Variants in RNF123 observed in about 807,000 individuals in gnomAD.
RNF123 encodes ring finger protein 123.
RNF123 carries 86 observed loss-of-function variants against 168.5 expected under a neutral mutation model. The observed-to-expected ratio is 0.51, with a 90% CI of 0.43 to 0.61. The LOEUF is 0.61. Among genes scored for constraint, RNF123 ranks in the 20% least tolerant of loss-of-function variants. The pLI, the probability that RNF123 is intolerant of heterozygous loss-of-function variation, is 0.00. For synonymous variants in RNF123, 666 were observed against 689.1 expected (o/e 0.97, Z 0.52); for missense variants, 1,419 against 1,729.7 (o/e 0.82, Z 3.19).
rs1390696847 is a variant in RNF123, at chr3:49,691,456, C to T, written c.114C>T (p.Tyr38=). Residue 38 remains tyrosine (Y), a synonymous_variant, in exon 3 of 39, where the codon TAC becomes TAT. Coordinates refer to ENST00000327697, the MANE Select transcript of RNF123 (RefSeq NM_022064.5). ...TGCAGGAGAAGCTGCTGAATGACTA[C>T]CTGAACCGCATCTTTTCCTCTTCTG... The part of the protein sequence containing the change: ...GIVQEKLLND[Y]LNRIFSSSEH... 1 of 1,614,090 alleles carries T rather than the reference C, an allele frequency of 6.2e-7. No individual in the cohort carries two copies. The highest frequency in any genetic ancestry group is 1.7e-5 in the Admixed American group (1 of 60,000).
At chr3:49,712,749 A>G (rs760477893) in intron 27 of RNF123, 93 bp downstream of exon 27, 1 of 1,439,014 alleles carries the variant, frequency 6.9e-7, no homozygotes, top group Non-Finnish European at 9.7e-7. Context: ...TGGCCCAGCA[A>G]CACACTTCTG....
At position 49,715,857 on chromosome 3, in the gene RNF123, T is replaced by G; in HGVS notation, c.3186T>G (p.Phe1062Leu). 1 of 1,614,050 alleles carries G rather than the reference T, an allele frequency of 6.2e-7. No homozygotes were observed. Among genetic ancestry groups the G allele is most frequent in the Non-Finnish European group, 8.5e-7 (1 of 1,180,040 alleles). The part of the protein sequence containing the change: ...QQAAERLERN[F>L]VDSRQLKVCA... ...CTGCTGAGCGCCTGGAGCGGAACTT[T>G]GTGGACAGCCGGCAGCTCAAGGTAT... The change falls in exon 33 of 39, where the codon TTT (phenylalanine) becomes TTG (leucine). Residue 1062 changes from phenylalanine (F) to leucine (L), a missense_variant. By Grantham distance (22) the Phe-to-Leu change is conservative (BLOSUM62 0). Around this residue, in one of 5 missense-constraint regions of RNF123, gnomAD observed 538 missense variants for 708.8 expected, o/e 0.76. Transcript: ENST00000327697.
At chr3:49,703,383 TACTGGGCCGTGACC>T (rs748612692) in intron 20 of RNF123, 30 bp from the exon 21 acceptor site, 10 of 1,527,992 alleles carry the variant, frequency 6.5e-6, no homozygotes, top group Non-Finnish European at 8.1e-6. Flanking sequence ...AGGGTCTTCC[TACTGGGCCGTGACC>T]ACTGGCCTAG....
At chr3:49,703,664 G>A in intron 21 of RNF123, 136 bp downstream of exon 21, 6 of 648,570 alleles carry the variant, frequency 9.3e-6, no homozygotes, top group Non-Finnish European at 1.6e-5. Flanking sequence ...CTCAGGCAGG[G>A]AGACACTGAT....
Position 49,705,596 on chromosome 3 carries a change from C to A in RNF123, c.2221C>A (p.Pro741Thr). 6.2e-7 allele frequency: 1 copy of A among 1,613,350 alleles called. No homozygotes were observed. Among genetic ancestry groups the A allele is most frequent in the Non-Finnish European group, 8.5e-7 (1 of 1,179,696 alleles). The change falls in exon 24 of 39, where the codon CCC becomes ACC. Residue 741 changes from proline to threonine, a missense_variant. This residue lies in a region of RNF123 where 538 missense variants were observed against 708.8 expected (regional missense o/e 0.76). Transcript: ENST00000327697. Reference sequence around the variant, plus strand: ...GCGGCCCCCCGAGGAGCCTGAGCAGCCCCTCACCGAGAACTCGCTGCTGGA... The same window carrying A: ...GCGGCCCCCCGAGGAGCCTGAGCAGACCCTCACCGAGAACTCGCTGCTGGA... ...LGRPPEEPEQ[P>T]LTENSLLEVL...
intron 35 of RNF123, chr3:49,718,018 C>T (rs750807095): frequency 6.2e-7 from 1 of 1,613,678 alleles, no homozygotes; most frequent in East Asian, 2.2e-5. Flanking sequence ...CAGCTGCAGG[C>T]CTCCAGGGTT....
chr3:49,718,622 C>G lies in RNF123; in HGVS notation c.3501-1889C>G, dbSNP rs756959028. 28 of 1,612,904 alleles carry G rather than the reference C, an allele frequency of 1.7e-5. No individual in the cohort carries two copies. Among genetic ancestry groups the G allele is most frequent in the East Asian group, 2.2e-5 (1 of 44,898 alleles). ...GCGTACAGGTGCTCTTCCGGCCGCT[C>G]TAGGCCAAGAGCTGGGGCCGACGAG... On this transcript the variant is annotated intron_variant, in intron 35 of 38. Transcript: ENST00000327697.
In RNF123 at chr3:49,705,028, C is replaced by T; in HGVS notation, c.2004C>T (p.Pro668=). 1 of 1,609,918 alleles carries T rather than the reference C, an allele frequency of 6.2e-7. No homozygotes were observed. Among genetic ancestry groups the T allele is most frequent in the Non-Finnish European group, 8.5e-7 (1 of 1,178,894 alleles). Residue 668 remains proline, a synonymous_variant, in exon 23 of 39, where the codon CCC becomes CCT. Transcript: ENST00000327697. ...ALAVGGPLPL[P]RPGWLSSPTL... ...CTGTTGGGGGGCCACTGCCCCTGCC[C>T]CGGCCCGGCTGGCTCAGTTCTCCAA...
intron 35 of RNF123, chr3:49,719,025 G>A (rs765677387): frequency 1.9e-6 from 3 of 1,613,792 alleles, no homozygotes; most frequent in Admixed American, 1.7e-5. Context: ...GCTCGTCCAA[G>A]TGCACCAAGC....
chr3:49,716,034 G>A, intron 33 of RNF123, 24 bp downstream of exon 33: 3 of 1,613,768 alleles, frequency 1.9e-6, no homozygotes, highest in Non-Finnish European at 1.7e-6. Context: ...GGCAACAAGG[G>A]TGGGACCCTG....
intron 26 of RNF123, among the ~76,000 whole-genome samples, chr3:49,710,627 TTG>T (rs566611669): frequency 6.6e-6 from 1 of 151,690 alleles, no homozygotes. Flanking sequence ...AGTTGGGGTT[TTG>T]TGTGTGTGTG....
intron 5 of RNF123, 85 bp from the exon 6 acceptor site, chr3:49,697,800 G>A: frequency 6.5e-7 from 1 of 1,530,880 alleles, no homozygotes; most frequent in Non-Finnish European, 9.0e-7. Context: ...ACCAGGGCTG[G>A]CTCAGTTGGG....
Position 49,699,670 on chromosome 3 carries a change from G to A in RNF123, c.882G>A (p.Glu294=). 6.2e-7 allele frequency: 1 copy of A among 1,613,848 alleles called. No individual in the cohort carries two copies. The highest frequency in any genetic ancestry group is 1.7e-4 in the Middle Eastern group (1 of 6,054). The change falls in exon 12 of 39, where the codon GAG becomes GAA. Residue 294 remains glutamate, a splice_region_variant and synonymous_variant. Transcript: ENST00000327697. The surrounding 1 kb of genome is among the most constrained non-coding windows in gnomAD (Gnocchi z 4.8). ...AVLSVELDPV[E]GRLLDKESSK... is the part of the protein sequence containing the mutation. ...CTCCCTCCTCCCCCTCCACACAGGA[G>A]GGGCGGCTGTTGGACAAGGAGAGCT...
At chr3:49,713,677 C>T in intron 28 of RNF123, 61 bp from the exon 29 acceptor site, 2 of 1,570,572 alleles carry the variant, frequency 1.3e-6, no homozygotes, top group Non-Finnish European at 1.7e-6. Flanking sequence ...GCCAGGTGGG[C>T]ATGAAGTATG....
Position 49,699,874 on chromosome 3 carries a change from A to T in RNF123, c.984+102A>T. 1.6e-6 allele frequency: 2 copies of T among 1,223,278 alleles called. No individual in the cohort carries two copies. The highest frequency in any genetic ancestry group is 2.3e-6 in the Non-Finnish European group (2 of 851,624). The allele number at this position is 1,223,278 out of a possible 1,614,324, so 75.8% of individuals were successfully genotyped here. On this transcript the variant is annotated intron_variant, in intron 12 of 38. Coordinates refer to ENST00000327697, the MANE Select transcript of RNF123 (RefSeq NM_022064.5). This position sits in a 1 kb window ranked among gnomAD's most constrained non-coding sequence, Gnocchi z 4.8. ...CTGAGGGCTGCAGTGCTGAGGTCCCACAGCATCACCTGGCGAGGGCCCCAT... is the reference window on the plus strand; with the variant it reads ...CTGAGGGCTGCAGTGCTGAGGTCCCTCAGCATCACCTGGCGAGGGCCCCAT...
At chr3:49,720,340 G>T (rs886692256) in intron 35 of RNF123, 171 bp from the exon 36 acceptor site, 2 of 517,332 alleles carry the variant, frequency 3.9e-6, no homozygotes. Flanking sequence ...AAAACAGGCT[G>T]TGTGGCACCT....
At chr3:49,716,543 G>C in intron 35 of RNF123, 66 bp downstream of exon 35, 13 of 1,318,372 alleles carry the variant, frequency 9.9e-6, no homozygotes, top group Non-Finnish European at 1.4e-5. Context: ...GGCTGGACAG[G>C]GCCTCCTGGT....
At chr3:49,716,711 C>G (rs1449380217) in intron 35 of RNF123, 1 of 502,602 alleles carries the variant, frequency 2.0e-6, no homozygotes, top group East Asian at 3.4e-5. Context: ...GCCCACAGAG[C>G]CACTGGCTTG....
rs747620828 is a variant in RNF123, at chr3:49,699,074, G to A, written c.733G>A (p.Val245Met). The change falls in exon 10 of 39, where the codon GTG becomes ATG. Residue 245 changes from valine (V) to methionine (M), a missense_variant. Transcript: ENST00000327697. This position sits in a 1 kb window ranked among gnomAD's most constrained non-coding sequence, Gnocchi z 4.8. ...CATCAGCCTCTCTTTCAAGGAGTCC[G>A]TGGCCTTCAACTTTGGCAGCCGTCC... is the stretch of plus-strand genomic sequence containing the variant. Reference protein sequence around the residue: ...PAISLSFKESVAFNFGSRPLR... With the variant: ...PAISLSFKESMAFNFGSRPLR... 1.5e-5 allele frequency: 25 copies of A among 1,613,650 alleles called. 1 individual carries two copies. Among genetic ancestry groups the A allele is most frequent in the African/African-American group, 5.3e-5 (4 of 74,916 alleles).
Sources: allele counts gnomAD v4.1 joint callset (sites outside exome capture counted in the v4.1 genomes callset), GRCh38; gene constraint gnomAD v4.1.1; regional missense constraint gnomAD v4.1.1; non-coding constraint Gnocchi (gnomAD v3.1); transcripts MANE v1.5; gene names NCBI Gene and HGNC (gene_info 2026-07-23, HGNC 2026-07-21).